LRPAP1: variants seen among roughly 807,000 people sequenced by gnomAD.
The protein encoded by LRPAP1 is alpha-2-macroglobulin receptor-associated protein.
LRPAP1 carries 41 observed loss-of-function variants against 39.9 expected under a neutral mutation model. That is an observed-to-expected ratio of 1.03 (90% CI 0.80 to 1.33). The LOEUF (loss-of-function observed/expected upper bound fraction) is 1.33. Among genes scored for constraint, LRPAP1 ranks in the 40% most tolerant of loss-of-function variants. LRPAP1 has a pLI of 0.00. For synonymous variants in LRPAP1, 263 were observed against 212.7 expected (o/e 1.24, Z -2.06); for missense variants, 565 against 482.3 (o/e 1.17, Z -1.61).
chr4:3,517,744 C>A (rs767405558), intron 5 of LRPAP1: 5 of 339,774 alleles, frequency 1.5e-5, no homozygotes, highest in African/African-American at 8.6e-5. Flanking sequence ...CGGGAGGGGC[C>A]GTGCTGCTGA....
chr4:3,519,007 G>A lies in LRPAP1; in HGVS notation c.472-16C>T, dbSNP rs73197134. 36,071 of 1,611,278 alleles carry A rather than the reference G, an allele frequency of 0.022. 562 individuals carry two copies. Among genetic ancestry groups the A allele is most frequent in the Middle Eastern group, 0.069 (412 of 5,966 alleles). On this transcript the variant is annotated splice_polypyrimidine_tract_variant and intron_variant, in intron 3 of 7. Coordinates refer to ENST00000650182, the MANE Select transcript of LRPAP1 (RefSeq NM_002337.4). ...AGGTCTTCGCCTAAGAGGGAAACAA[G>A]GCCTGGAGTGAACCCGCCGCGGGCT...
Position 3,510,143 on chromosome 4 carries a change from G to A in LRPAP1, c.*2831C>T, listed in dbSNP as rs1191249481. 4 of 152,146 alleles carry A rather than the reference G, an allele frequency of 2.6e-5. No homozygotes were observed. The highest frequency in any genetic ancestry group is 7.2e-5 in the African/African-American group (3 of 41,404). The allele number at this position is 152,146 out of a possible 1,614,324, so 9.4% of individuals were successfully genotyped here. ...CCAACTGTAGCCAAGACAGTGTGGC[G>A]GCCGGGCACCATGGCTCACACCTAC... On this transcript the variant is annotated 3_prime_UTR_variant, in exon 8 of 8. Transcript: ENST00000650182.
intron 7 of LRPAP1, among the ~76,000 whole-genome samples, chr4:3,513,563 C>A (rs571035664): frequency 8.5e-4 from 130 of 152,342 alleles, no homozygotes; most frequent in Non-Finnish European, 1.5e-3. Context: ...CCCACCTCAG[C>A]CTCCCAAAGT....
chr4:3,519,096 G>C, intron 3 of LRPAP1, 105 bp from the exon 4 acceptor site: 2 of 1,525,222 alleles, frequency 1.3e-6, no homozygotes, highest in Non-Finnish European at 1.8e-6. Context: ...TTGCCTACGT[G>C]AGTGCCAGGC....
intron 2 of LRPAP1, among the ~76,000 whole-genome samples, chr4:3,522,779 G>A (rs1447955124): frequency 1.3e-5 from 2 of 152,216 alleles, no homozygotes; most frequent in East Asian, 1.9e-4. Context: ...CTGGGGGCGC[G>A]GTGGGGGTGA....
At chr4:3,530,639 C>A (rs1383116616) in intron 1 of LRPAP1, among the ~76,000 whole-genome samples, 2 of 152,170 alleles carry the variant, frequency 1.3e-5, no homozygotes, top group Non-Finnish European at 2.9e-5. Flanking sequence ...ACTGGTCAGG[C>A]GAGCACCCAG....
rs964424146 is a variant in LRPAP1 at position 3,510,016 on chromosome 4, T to C, written c.*2958A>G. On this transcript the variant is annotated 3_prime_UTR_variant, in exon 8 of 8. Coordinates refer to ENST00000650182, the MANE Select transcript of LRPAP1 (RefSeq NM_002337.4). Reference sequence around the variant, plus strand: ...TTGGTAGAAATTGAGACACTGATTGTAAAACATATATGGAAACACCAAGGA... The same window carrying C: ...TTGGTAGAAATTGAGACACTGATTGCAAAACATATATGGAAACACCAAGGA... The C allele has an allele frequency of 3.2e-4, 48 of 152,176 alleles. No individual in the cohort carries two copies. The highest frequency in any genetic ancestry group is 1.1e-3 in the African/African-American group (45 of 41,444). The allele number at this position is 152,176 out of a possible 1,614,324, so 9.4% of individuals were successfully genotyped here.
rs1729572279 is a variant in LRPAP1, at chr4:3,512,861, C to T, written c.*113G>A. On this transcript the variant is annotated 3_prime_UTR_variant, in exon 8 of 8. Transcript: ENST00000650182. ...AGAAACAATCCTTCCTGCCTCGACA[C>T]CCGTGCCAGCCCCAGCCACCCTGAC... The T allele has an allele frequency of 3.6e-6, 3 of 843,154 alleles. No individual in the cohort carries two copies. Among genetic ancestry groups the T allele is most frequent in the South Asian group, 1.7e-5 (1 of 59,520 alleles). The allele number at this position is 843,154 out of a possible 1,614,324, so 52.2% of individuals were successfully genotyped here. A position where few individuals can be genotyped will look rare whatever the true frequency, so the allele number is the denominator to read the frequency against.
intron 2 of LRPAP1, among the ~76,000 whole-genome samples, chr4:3,522,672 ACACCCCCTGCCTGGGGAGGACAGACG>A (rs1729951985): frequency 9.5e-6 from 1 of 105,382 alleles, no homozygotes; most frequent in African/African-American, 3.3e-5. Context: ...ACGCCGCCCC[ACACCCCCTGCCTGGGGAGGACAGACG>A]CCGCCCCACA....
intron 5 of LRPAP1, among the ~76,000 whole-genome samples, chr4:3,516,512 G>A (rs1370876272): frequency 6.6e-6 from 1 of 152,236 alleles, no homozygotes; most frequent in Non-Finnish European, 1.5e-5. Context: ...TGCCTCTGAA[G>A]CAGGAGGCAG....
chr4:3,525,163 A>G, intron 1 of LRPAP1, 112 bp from the exon 2 acceptor site: 1 of 1,191,862 alleles, frequency 8.4e-7, no homozygotes, highest in Non-Finnish European at 1.2e-6. Context: ...GACCAGGAAG[A>G]GGTGGAGTCA....
intron 6 of LRPAP1, 143 bp downstream of exon 6, chr4:3,515,973 G>A: frequency 1.3e-6 from 1 of 788,950 alleles, no homozygotes; most frequent in Non-Finnish European, 2.1e-6. Context: ...AACGCAAGCA[G>A]GTTCACCGAG....
rs774805099 is a variant in LRPAP1, at chr4:3,532,393, C to T, written c.20G>A (p.Arg7Lys). Residue 7 changes from arginine to lysine, a missense_variant, in exon 1 of 8, where the codon AGG becomes AAG. Coordinates refer to ENST00000650182, the MANE Select transcript of LRPAP1 (RefSeq NM_002337.4). ...CGCCGGGAGCCCGCGCAGAAACGAC[C>T]TGACCCTCCGCGGCGCCATCTTCCT... MAPRRVRSFLRGLPALL... is the reference protein window; with the variant it reads MAPRRVKSFLRGLPALL... The T allele has an allele frequency of 5.0e-6, 8 of 1,584,348 alleles. No homozygotes were observed. Among genetic ancestry groups the T allele is most frequent in the Non-Finnish European group, 6.9e-6 (8 of 1,166,098 alleles).
At chr4:3,530,411 C>A (rs1297594488) in intron 1 of LRPAP1, among the ~76,000 whole-genome samples, 2 of 152,370 alleles carry the variant, frequency 1.3e-5, no homozygotes, top group Non-Finnish European at 2.9e-5. Context: ...TGGGGGAAGA[C>A]ACACAAAATC....
At position 3,521,987 on chromosome 4, in the gene LRPAP1, T is replaced by A. The variant is rs138957840; in HGVS notation, c.350-1794A>T. ...CCCATCTTTTAAAATAAATAAATAA[T>A]TAAATAAATAATACCGGCTGTGGGG... On this transcript the variant is annotated intron_variant, in intron 2 of 7. Coordinates refer to ENST00000650182, the MANE Select transcript of LRPAP1 (RefSeq NM_002337.4). Among the ~76,000 whole-genome samples the A allele has an allele frequency of 3.7e-3, 570 of 152,252 alleles. 7 individuals are homozygous for A. The highest frequency in any genetic ancestry group is 0.012 in the African/African-American group (496 of 41,538).
intron 5 of LRPAP1, among the ~76,000 whole-genome samples, chr4:3,517,066 G>A (rs551587403): frequency 2.0e-5 from 3 of 152,316 alleles, no homozygotes; most frequent in Admixed American, 1.3e-4. Flanking sequence ...AAACTGCATC[G>A]CAGGCCTACA....
chr4:3,505,211 G>C lies in LRPAP1; in HGVS notation c.*7763C>G, dbSNP rs377055951. ...GACCGTGTCCTGGACAGCCCAGCTCGAGGCTGCTCTTCAGCCCCAGCCCCT... is the reference window on the plus strand; with the variant it reads ...GACCGTGTCCTGGACAGCCCAGCTCCAGGCTGCTCTTCAGCCCCAGCCCCT... On this transcript the variant is annotated 3_prime_UTR_variant, in exon 8 of 8. Transcript: ENST00000650182. 6.6e-6 allele frequency among the ~76,000 whole-genome samples: 1 copy of C among 152,190 alleles called. No individual in the cohort carries two copies. Among genetic ancestry groups the C allele is most frequent in the Non-Finnish European group, 1.5e-5 (1 of 68,028 alleles).
intron 1 of LRPAP1, 94 bp downstream of exon 1, chr4:3,532,115 C>T (rs1244146739): frequency 6.5e-6 from 9 of 1,376,920 alleles, no homozygotes; most frequent in African/African-American, 2.9e-5. Flanking sequence ...CGGCTGCGCC[C>T]CCCTCCGCCT....
Position 3,507,475 on chromosome 4 carries a change from T to C in LRPAP1, c.*5499A>G, listed in dbSNP as rs982931517. The C allele has an allele frequency of 7.8e-5, 7 of 89,290 alleles. No homozygotes were observed. The highest frequency in any genetic ancestry group is 2.3e-4 in the African/African-American group (6 of 26,582). The allele number at this position is 89,290 out of a possible 1,614,324, so 5.5% of individuals were successfully genotyped here. A position where few individuals can be genotyped will look rare whatever the true frequency, so the allele number is the denominator to read the frequency against. On this transcript the variant is annotated 3_prime_UTR_variant, in exon 8 of 8. Coordinates refer to ENST00000650182, the MANE Select transcript of LRPAP1 (RefSeq NM_002337.4). Reference sequence around the variant, plus strand: ...ATTTGTATTATTTACCTACATATCATATATTTATACATTATCATCTGCGAA... The same window carrying C: ...ATTTGTATTATTTACCTACATATCACATATTTATACATTATCATCTGCGAA...
Sources: allele counts gnomAD v4.1 joint callset (sites outside exome capture counted in the v4.1 genomes callset), GRCh38; gene constraint gnomAD v4.1.1; transcripts MANE v1.5; gene names NCBI Gene and HGNC (gene_info 2026-07-23, HGNC 2026-07-21).